The following GOLM2 variants were observed in gnomAD, a reference collection of about 807,000 sequenced individuals.
The protein encoded by GOLM2 is golgi membrane protein 2.
GOLM2 carries 26 observed loss-of-function variants against 55.9 expected under a neutral mutation model. That is an observed-to-expected ratio of 0.47 (90% CI 0.34 to 0.65). The LOEUF (loss-of-function observed/expected upper bound fraction) is 0.65. Among genes scored for constraint, GOLM2 ranks in the 30% least tolerant of loss-of-function variants. The probability of loss-of-function intolerance (pLI) is 0.01; values close to 1 mark genes in which losing one functional copy is unlikely to be tolerated. For missense variants in GOLM2, 486 were observed against 531.8 expected (o/e 0.91, Z 0.85); for synonymous variants, 165 against 194.6 (o/e 0.85, Z 1.27).
intron 6 of GOLM2, among the ~76,000 whole-genome samples, chr15:44,360,232 G>T (rs530910653): frequency 6.6e-6 from 1 of 152,032 alleles, no homozygotes; most frequent in African/African-American, 2.4e-5. Context: ...TGGACTAAAT[G>T]CTCCAATTAA....
At chr15:44,311,583 A>T (rs965344256) in intron 1 of GOLM2, among the ~76,000 whole-genome samples, 1 of 152,174 alleles carries the variant, frequency 6.6e-6, no homozygotes, top group Admixed American at 6.5e-5. Context: ...AATATTTGCC[A>T]ATGTTAATGA....
At chr15:44,334,562 A>C (rs2141143665) in intron 4 of GOLM2, among the ~76,000 whole-genome samples, 1 of 152,360 alleles carries the variant, frequency 6.6e-6, no homozygotes, top group Admixed American at 6.5e-5. Context: ...AATGGTTGAA[A>C]AAAATCAAGA....
chr15:44,363,148 C>T (rs991440777), intron 6 of GOLM2, among the ~76,000 whole-genome samples: 2 of 152,112 alleles, frequency 1.3e-5, no homozygotes, highest in Non-Finnish European at 2.9e-5. Flanking sequence ...GACTTCATGT[C>T]TAAAACACCA....
At position 44,413,680 on chromosome 15, in the gene GOLM2, T is replaced by C. The variant is rs933333346; in HGVS notation, c.*274T>C. ...AAAGCAAACTAATGTATATTTCACATTTTATTGAGCCGACTTATTTCCACA... is the reference window on the plus strand; with the variant it reads ...AAAGCAAACTAATGTATATTTCACACTTTATTGAGCCGACTTATTTCCACA... On this transcript the variant is annotated 3_prime_UTR_variant, in exon 10 of 10. Transcript: ENST00000299957. The C allele has an allele frequency of 2.6e-5, 8 of 310,102 alleles. No homozygotes were observed. Among genetic ancestry groups the C allele is most frequent in the Non-Finnish European group, 4.7e-5 (8 of 168,438 alleles). 19.2% of individuals were successfully genotyped at this position (310,102 alleles called of 1,614,324 possible).
At chr15:44,308,194 C>A (rs980060713) in intron 1 of GOLM2, 1 of 152,172 alleles carries the variant, frequency 6.6e-6, no homozygotes, top group Middle Eastern at 3.2e-3. Context: ...CCAAACAAAA[C>A]CTCTACCCAT....
At position 44,337,862 on chromosome 15, in the gene GOLM2, G is replaced by T. The variant is rs1317759995; in HGVS notation, c.676G>T (p.Asp226Tyr). 3.7e-6 allele frequency: 6 copies of T among 1,604,206 alleles called. No homozygotes were observed. Among genetic ancestry groups the T allele is most frequent in the Non-Finnish European group, 5.1e-6 (6 of 1,177,600 alleles). The change falls in exon 5 of 10, where the codon GAT becomes TAT. Residue 226 changes from aspartate to tyrosine, a missense_variant. By Grantham distance (160) the Asp-to-Tyr change is radical (BLOSUM62 -3). Coordinates refer to ENST00000299957, the MANE Select transcript of GOLM2 (RefSeq NM_138423.4). ...NIPKVAENVA[D>Y]KNEEPSSNHI... The stretch of plus-strand genomic sequence containing the variant: ...TCCAAAAGTAGCTGAGAATGTTGCA[G>T]ATAAGAATGAAGAACCCTCAAGCAA...
chr15:44,335,917 C>G (rs2079053255), intron 4 of GOLM2, among the ~76,000 whole-genome samples: 2 of 150,526 alleles, frequency 1.3e-5, no homozygotes, highest in South Asian at 4.2e-4. Flanking sequence ...CGGGTTCAAG[C>G]GATTCTCCTG....
chr15:44,383,964 C>T (rs1353803461), intron 8 of GOLM2, among the ~76,000 whole-genome samples: 1 of 152,116 alleles, frequency 6.6e-6, no homozygotes, highest in East Asian at 1.9e-4. Flanking sequence ...CAAGCGTGAG[C>T]CACCATTGCC....
chr15:44,349,429 C>A (rs2079146888), intron 6 of GOLM2, among the ~76,000 whole-genome samples: 1 of 152,054 alleles, frequency 6.6e-6, no homozygotes, highest in Admixed American at 6.6e-5. Flanking sequence ...AGGGTCAATT[C>A]AGCAATGGGA....
chr15:44,391,244 G>A (rs1326689753), intron 8 of GOLM2, among the ~76,000 whole-genome samples: 1 of 152,038 alleles, frequency 6.6e-6, no homozygotes, highest in African/African-American at 2.4e-5. Flanking sequence ...GCCAGGTGTG[G>A]TGGCTCACAC....
intron 7 of GOLM2, 108 bp from the exon 8 acceptor site, chr15:44,380,698 A>T (rs147410900): frequency 1.4e-6 from 1 of 733,908 alleles, no homozygotes; most frequent in Admixed American, 4.2e-5. Context: ...TGGCTACCCA[A>T]TGTTAAACAA....
In GOLM2 at chr15:44,380,827, G is replaced by C; in HGVS notation, c.923G>C (p.Gly308Ala). The change falls in exon 8 of 10, where the codon GGA (glycine) becomes GCA (alanine). Residue 308 changes from glycine to alanine, a missense_variant. By Grantham distance (60) the Gly-to-Ala change is moderately conservative (BLOSUM62 0). Coordinates refer to ENST00000299957, the MANE Select transcript of GOLM2 (RefSeq NM_138423.4). ...MPPDSHINHN[G>A]NPGTSKQNPS... ...ACAGATTCACACATAAACCACAATGGAAACCCCGGTACTTCAAAACAGAAT... is the reference window on the plus strand; with the variant it reads ...ACAGATTCACACATAAACCACAATGCAAACCCCGGTACTTCAAAACAGAAT... 1 of 1,551,614 alleles carries C rather than the reference G, an allele frequency of 6.4e-7. No individual in the cohort carries two copies. Among genetic ancestry groups the C allele is most frequent in the East Asian group, 2.3e-5 (1 of 43,052 alleles).
At chr15:44,376,857 A>G (rs1468816547) in intron 6 of GOLM2, among the ~76,000 whole-genome samples, 4 of 152,144 alleles carry the variant, frequency 2.6e-5, no homozygotes, top group Admixed American at 6.5e-5. Flanking sequence ...CCCTCTAACT[A>G]TTCTATCCTA....
At chr15:44,369,693 T>TACAC (rs3986148) in intron 6 of GOLM2, among the ~76,000 whole-genome samples, 14,489 of 143,478 alleles carry the variant, frequency 0.1, 1,472 homozygotes, top group African/African-American at 0.27. Flanking sequence ...TATATATGCA[T>TACAC]ACACACACAC....
Position 44,338,301 on chromosome 15 carries a change from T to G in GOLM2, c.786T>G (p.Val262=), listed in dbSNP as rs991104238. 1 of 1,613,416 alleles carries G rather than the reference T, an allele frequency of 6.2e-7. No homozygotes were observed. The highest frequency in any genetic ancestry group is 8.5e-7 in the Non-Finnish European group (1 of 1,179,436). ...TAGAAGAGAATGACCTAGCAAAAGT[T>G]GATGATCTTCCCCCTGGTAAGTAAA... ...PGIEENDLAK[V]DDLPPALRKP... is the part of the protein sequence containing the mutation. Residue 262 remains valine (V), a synonymous_variant, in exon 6 of 10, where the codon GTT becomes GTG. Transcript: ENST00000299957.
intron 1 of GOLM2, chr15:44,308,345 C>G (rs2078852403): frequency 6.6e-6 from 1 of 152,150 alleles, no homozygotes; most frequent in African/African-American, 2.4e-5. Flanking sequence ...GCTTATTTCA[C>G]CTAGCATAAT....
intron 8 of GOLM2, among the ~76,000 whole-genome samples, chr15:44,391,922 C>T (rs2079492975): frequency 6.6e-6 from 1 of 152,154 alleles, no homozygotes; most frequent in South Asian, 2.1e-4. Flanking sequence ...ACAATCTCAG[C>T]TCACCGCAAC....
At chr15:44,407,096 A>C (rs2079601933) in intron 9 of GOLM2, among the ~76,000 whole-genome samples, 1 of 146,772 alleles carries the variant, frequency 6.8e-6, no homozygotes, top group Non-Finnish European at 1.5e-5. Flanking sequence ...TATTTTAATA[A>C]AAATGTTTGC....
intron 4 of GOLM2, among the ~76,000 whole-genome samples, chr15:44,332,577 A>C (rs931773138): frequency 3.3e-5 from 5 of 152,050 alleles, no homozygotes; most frequent in African/African-American, 1.2e-4. Context: ...AAAAAAATTT[A>C]AATTAATTTT....
Sources: gnomAD v4.1 joint callset for allele counts (sites outside exome capture counted in the v4.1 genomes callset) on GRCh38, gnomAD v4.1.1 for gene constraint, MANE v1.5 for transcripts, NCBI Gene and HGNC (gene_info 2026-07-23, HGNC 2026-07-21) for gene names.